HTT: variants seen among roughly 807,000 people sequenced by gnomAD.
HTT encodes huntington disease protein.
A neutral mutation model predicts 362.3 loss-of-function variants in HTT; 104 were observed. The ratio of observed to expected loss-of-function variants is 0.29; its 90% CI spans 0.24 to 0.34. The LOEUF is 0.34. Among genes scored for constraint, HTT ranks in the 10% least tolerant of loss-of-function variants. The pLI is 1.00. For missense variants in HTT, 3,301 were observed against 3,928.6 expected (o/e 0.84, Z 4.27); for synonymous variants, 1,577 against 1,548.7 (o/e 1.02, Z -0.43).
Position 3,142,778 on chromosome 4 carries a change from C to G in HTT, c.2958C>G (p.Gly986=). Residue 986 remains glycine, a synonymous_variant, in exon 23 of 67, where the codon GGC becomes GGG. Transcript: ENST00000355072. Reference sequence around the variant, plus strand: ...TTTTTGTTATTAGAATATATAGAGGCTATAACCTACTACCAAGCATAACAG... The same window carrying G: ...TTTTTGTTATTAGAATATATAGAGGGTATAACCTACTACCAAGCATAACAG... ...SVSTITRIYR[G]YNLLPSITDV... 6.7e-7 allele frequency: 1 copy of G among 1,503,526 alleles called. No individual in the cohort carries two copies. Among genetic ancestry groups the G allele is most frequent in the Non-Finnish European group, 9.3e-7 (1 of 1,079,556 alleles). 93.1% of individuals were successfully genotyped at this position (1,503,526 alleles called of 1,614,324 possible).
At chr4:3,113,589 C>G (rs1035547166) in intron 6 of HTT, among the ~76,000 whole-genome samples, 2 of 152,206 alleles carry the variant, frequency 1.3e-5, no homozygotes, top group Admixed American at 6.5e-5. Flanking sequence ...TTCAGCCTCC[C>G]AAAGTGCTGG....
In HTT at chr4:3,177,392, T is replaced by C; in HGVS notation, c.4463+5T>C. 1 of 1,564,648 alleles carries C rather than the reference T, an allele frequency of 6.4e-7. No homozygotes were observed. Among genetic ancestry groups the C allele is most frequent in the Non-Finnish European group, 8.7e-7 (1 of 1,154,430 alleles). ...CATTGAAGTGGGCCAGTTCAGGTAA[T>C]AGCATTTTATTATTTTAGATTTTTT... On this transcript the variant is annotated splice_donor_5th_base_variant and intron_variant, in intron 34 of 66. Transcript: ENST00000355072.
At position 3,148,045 on chromosome 4, in the gene HTT, A is replaced by C. The variant is rs774572565; in HGVS notation, c.3336A>C (p.Glu1112Asp). 3 of 1,614,084 alleles carry C rather than the reference A, an allele frequency of 1.9e-6. No homozygotes were observed. The highest frequency in any genetic ancestry group is 2.5e-6 in the Non-Finnish European group (3 of 1,179,986). The change falls in exon 26 of 67, where the codon GAA becomes GAC. Residue 1112 changes from glutamate (E) to aspartate (D), a missense_variant. Around this residue, in one of 4 missense-constraint regions of HTT, gnomAD observed 2,316 missense variants for 2,658.5 expected, o/e 0.87. Transcript: ENST00000355072. ...CTCTGAGAAGTTCATGGGCCTCTGA[A>C]GAAGAAGCCAACCCAGCAGCCACCA... The part of the protein sequence containing the change: ...PKSLRSSWAS[E>D]EEANPAATKQ...
At chr4:3,230,485 C>T (rs577237925) in intron 60 of HTT, among the ~76,000 whole-genome samples, 4 of 152,172 alleles carry the variant, frequency 2.6e-5, no homozygotes, top group African/African-American at 4.8e-5. Flanking sequence ...TCCTGGGGGC[C>T]GTTTTGTCAC....
chr4:3,100,175 A>G (rs1714082220), intron 3 of HTT, among the ~76,000 whole-genome samples: 1 of 152,230 alleles, frequency 6.6e-6, no homozygotes, highest in Non-Finnish European at 1.5e-5. Flanking sequence ...TTTCTTAACC[A>G]TAAAATGGGA....
rs544747019 is a variant in HTT, at chr4:3,185,222, G to C, written c.4867-1375G>C. 1.2e-3 allele frequency among the ~76,000 whole-genome samples: 189 copies of C among 152,336 alleles called. 1 individual carries two copies. Among genetic ancestry groups the C allele is most frequent in the African/African-American group, 4.3e-3 (178 of 41,572 alleles). On this transcript the variant is annotated intron_variant, in intron 37 of 66. Coordinates refer to ENST00000355072, the MANE Select transcript of HTT (RefSeq NM_001388492.1). ...GCCTGTTTACGCACTGAGGGCAGAA[G>C]CAACAGGGAGGATCAGTTCATGACA...
intron 64 of HTT, among the ~76,000 whole-genome samples, chr4:3,236,833 T>C (rs1258329920): frequency 1.3e-5 from 2 of 151,718 alleles, no homozygotes; most frequent in Non-Finnish European, 2.9e-5. Context: ...GTTAGGAGCT[T>C]GGTAGGGCTT....
At chr4:3,135,580 G>A (rs1364804456) in intron 19 of HTT, among the ~76,000 whole-genome samples, 1 of 152,116 alleles carries the variant, frequency 6.6e-6, no homozygotes, top group Non-Finnish European at 1.5e-5. Context: ...TGAGTGGGCA[G>A]CAAGATAGCA....
chr4:3,090,840 G>C (rs1289801733), intron 2 of HTT, among the ~76,000 whole-genome samples: 2 of 152,236 alleles, frequency 1.3e-5, no homozygotes, highest in Admixed American at 6.5e-5. Context: ...GGCCTGGTGT[G>C]GTGGCCCATG....
chr4:3,190,015 CA>C (rs530752710), intron 40 of HTT, among the ~76,000 whole-genome samples: 99 of 151,600 alleles, frequency 6.5e-4, no homozygotes, highest in Non-Finnish European at 1.2e-3. Context: ...GACCCTGCCT[CA>C]AAAAAACAAA....
At chr4:3,235,161 A>C in intron 61 of HTT, 123 bp from the exon 62 acceptor site, 1 of 692,884 alleles carries the variant, frequency 1.4e-6, no homozygotes, top group Non-Finnish European at 2.5e-6. Context: ...CACTCAGGGT[A>C]GGCGCTCCCG....
At chr4:3,141,639 G>A (rs544993507) in intron 22 of HTT, among the ~76,000 whole-genome samples, 1 of 152,154 alleles carries the variant, frequency 6.6e-6, no homozygotes, top group Non-Finnish European at 1.5e-5. Context: ...GCGGGCCCCT[G>A]TAATCCCAGC....
chr4:3,201,529 C>CAAA (rs925357780), intron 41 of HTT, among the ~76,000 whole-genome samples: 17 of 61,660 alleles, frequency 2.8e-4, no homozygotes, highest in South Asian at 5.9e-4. Flanking sequence ...GACTCCATCT[C>CAAA]AAAAAAAAAA....
chr4:3,172,278 G>A (rs753949944), intron 29 of HTT, 42 bp from the exon 30 acceptor site: 15 of 1,059,658 alleles, frequency 1.4e-5, no homozygotes, highest in Non-Finnish European at 2.2e-5. Flanking sequence ...ACAATAACGG[G>A]TCATCTCTGA....
Position 3,206,775 on chromosome 4 carries a change from T to G in HTT, c.5899-32T>G. 4 of 1,590,998 alleles carry G rather than the reference T, an allele frequency of 2.5e-6. No homozygotes were observed. The highest frequency in any genetic ancestry group is 3.4e-6 in the Non-Finnish European group (4 of 1,166,392). On this transcript the variant is annotated intron_variant, in intron 43 of 66. Transcript: ENST00000355072. The surrounding 1 kb of genome is among the most constrained non-coding windows in gnomAD (Gnocchi z 4.6). Reference sequence around the variant, plus strand: ...CTTTAATTTCTGATTTGCAAAATAGTCATCTTTTGTTCTTTTCCTTCTTGC... The same window carrying G: ...CTTTAATTTCTGATTTGCAAAATAGGCATCTTTTGTTCTTTTCCTTCTTGC...
At position 3,131,343 on chromosome 4, in the gene HTT, G is replaced by A; in HGVS notation, c.2044G>A (p.Val682Ile). The change falls in exon 15 of 67, where the codon GTC (valine) becomes ATC (isoleucine). Residue 682 changes from valine (V) to isoleucine (I), a missense_variant. Physicochemically the swap from Val to Ile is conservative, Grantham distance 29. This residue lies in a region of HTT where 2,316 missense variants were observed against 2,658.5 expected (regional missense o/e 0.87). Transcript: ENST00000355072. The part of the protein sequence containing the change: ...QSTDDDSAPL[V>I]HCVRLLSASF... ...CACTGATGATGACTCTGCACCTCTTGTCCATTGTGTCCGCCTTTTATCTGC... is the reference window on the plus strand; with the variant it reads ...CACTGATGATGACTCTGCACCTCTTATCCATTGTGTCCGCCTTTTATCTGC... 1 of 1,614,084 alleles carries A rather than the reference G, an allele frequency of 6.2e-7. No homozygotes were observed. Among genetic ancestry groups the A allele is most frequent in the Non-Finnish European group, 8.5e-7 (1 of 1,180,004 alleles).
At chr4:3,203,206 A>G (rs1719672477) in intron 41 of HTT, 1 of 152,244 alleles carries the variant, frequency 6.6e-6, no homozygotes, top group African/African-American at 2.4e-5. Context: ...ACTTTTTAAA[A>G]AGTTTAAATC....
chr4:3,119,547 A>T (rs1715194608), intron 8 of HTT, among the ~76,000 whole-genome samples: 2 of 152,238 alleles, frequency 1.3e-5, no homozygotes, highest in South Asian at 4.1e-4. Flanking sequence ...TATTGTTCAT[A>T]AATTATGCAG....
chr4:3,186,776 T>G lies in HTT; in HGVS notation c.4989+57T>G, dbSNP rs370969246. Reference sequence around the variant, plus strand: ...CTGGACGGCTTGTTCAGGCTCTGATTACTGGGACCACCCCCAGAATGTCTG... The same window carrying G: ...CTGGACGGCTTGTTCAGGCTCTGATGACTGGGACCACCCCCAGAATGTCTG... On this transcript the variant is annotated intron_variant, in intron 38 of 66. Coordinates refer to ENST00000355072, the MANE Select transcript of HTT (RefSeq NM_001388492.1). 8.6e-5 allele frequency: 136 copies of G among 1,580,144 alleles called. 1 individual carries two copies. The East Asian group carries it at 2.5e-3, about 29-fold the overall frequency.
Sources: gnomAD v4.1 joint callset for allele counts (sites outside exome capture counted in the v4.1 genomes callset) on GRCh38, gnomAD v4.1.1 for gene constraint, gnomAD v4.1.1 regional missense constraint, Gnocchi (gnomAD v3.1) non-coding constraint, MANE v1.5 for transcripts, NCBI Gene and HGNC (gene_info 2026-07-23, HGNC 2026-07-21) for gene names.